The following RBFOX1 variants were observed in gnomAD, a reference collection of about 807,000 sequenced individuals.
The protein encoded by RBFOX1 is RNA binding protein fox-1 homolog 1.
In RBFOX1, 8 loss-of-function variants were observed where a neutral mutation model predicts 57.7. The ratio of observed to expected loss-of-function variants is 0.14; its 90% CI spans 0.08 to 0.25. The LOEUF (loss-of-function observed/expected upper bound fraction) is 0.25, where lower values mean the gene tolerates loss of function less well. Among genes scored for constraint, RBFOX1 ranks in the 10% least tolerant of loss-of-function variants. RBFOX1 has a pLI of 1.00. For missense variants in RBFOX1, 611 were observed against 548.5 expected (o/e 1.11, Z -1.14); for synonymous variants, 326 against 222.4 (o/e 1.47, Z -4.15).
intron 4 of RBFOX1, among the ~76,000 whole-genome samples, chr16:7,084,250 G>T (rs1567197306): frequency 6.6e-6 from 1 of 151,744 alleles, no homozygotes. Flanking sequence ...ATGTATATAT[G>T]TGTGTGTGTG....
intron 3 of RBFOX1, among the ~76,000 whole-genome samples, chr16:6,842,164 AAATAAAT>A (rs2093507226): frequency 9.4e-6 from 1 of 106,290 alleles, no homozygotes; most frequent in Non-Finnish European, 2.2e-5. Flanking sequence ...AAAAATAAAT[AAATAAAT>A]AAATAAATAA....
chr16:5,692,655 G>A (rs1338395442), intron 3 of RBFOX1, among the ~76,000 whole-genome samples: 1 of 152,116 alleles, frequency 6.6e-6, no homozygotes, highest in Non-Finnish European at 1.5e-5. Context: ...ACACTCCTAC[G>A]TAGGGACCAG....
At chr16:5,612,845 C>G (rs558349626) in intron 3 of RBFOX1, among the ~76,000 whole-genome samples, 3 of 152,324 alleles carry the variant, frequency 2.0e-5, no homozygotes, top group Admixed American at 2.0e-4. Context: ...AGGCAGAAAC[C>G]TAGCTAGGCA....
rs548980791 is a variant in RBFOX1 at position 5,705,219 on chromosome 16, C to G, written c.318+106258C>G. On this transcript the variant is annotated intron_variant, in intron 3 of 19. Transcript: ENST00000641259. The stretch of plus-strand genomic sequence containing the variant: ...TGCTTCATATTCTTTCCATCAGCAC[C>G]AAAACCAGCACCATCCATGTGCTAA... Among the ~76,000 whole-genome samples the G allele has an allele frequency of 9.9e-5, 15 of 152,252 alleles. No individual in the cohort carries two copies. The South Asian group carries it at 3.1e-3, about 32-fold the overall frequency.
chr16:7,657,023 G>C (rs547145524), intron 12 of RBFOX1, among the ~76,000 whole-genome samples: 13 of 152,230 alleles, frequency 8.5e-5, no homozygotes, highest in East Asian at 1.9e-4. Context: ...TTAAGAATTT[G>C]TTTCCACTGT....
At chr16:7,440,855 C>T (rs1353014268) in intron 4 of RBFOX1, among the ~76,000 whole-genome samples, 3 of 152,080 alleles carry the variant, frequency 2.0e-5, no homozygotes, top group Admixed American at 1.3e-4. Flanking sequence ...TCCAGCGTGG[C>T]CTAATATGCC....
At chr16:6,967,199 T>G (rs2084453336) in intron 3 of RBFOX1, among the ~76,000 whole-genome samples, 1 of 152,168 alleles carries the variant, frequency 6.6e-6, no homozygotes, top group Admixed American at 6.5e-5. Flanking sequence ...TATCTATACA[T>G]TGATCCATCT....
At chr16:5,643,134 T>C (rs1450298440) in intron 3 of RBFOX1, among the ~76,000 whole-genome samples, 1 of 152,122 alleles carries the variant, frequency 6.6e-6, no homozygotes, top group African/African-American at 2.4e-5. Flanking sequence ...TCTAGGCAGA[T>C]GCTAGCATTA....
At chr16:6,240,509 G>T (rs2097534624) in intron 1 of RBFOX1, among the ~76,000 whole-genome samples, 1 of 151,738 alleles carries the variant, frequency 6.6e-6, no homozygotes, top group African/African-American at 2.4e-5. Flanking sequence ...AGGCATGAAG[G>T]TGCAAACTCA....
At chr16:6,781,543 A>G (rs949329973) in intron 3 of RBFOX1, among the ~76,000 whole-genome samples, 2 of 152,136 alleles carry the variant, frequency 1.3e-5, no homozygotes, top group African/African-American at 4.8e-5. Flanking sequence ...TCAACAGTGA[A>G]GCCATCAAGT....
chr16:6,853,967 A>C (rs142971558), intron 3 of RBFOX1, among the ~76,000 whole-genome samples: 4 of 152,336 alleles, frequency 2.6e-5, no homozygotes, highest in African/African-American at 9.6e-5. Context: ...TTTTTCAGAC[A>C]GTCATCTCCG....
intron 1 of RBFOX1, among the ~76,000 whole-genome samples, chr16:6,035,334 T>C (rs1193885481): frequency 1.3e-5 from 2 of 152,232 alleles, no homozygotes; most frequent in African/African-American, 4.8e-5. Flanking sequence ...CATTTAGTTC[T>C]TCCCCAAGGA....
intron 4 of RBFOX1, among the ~76,000 whole-genome samples, chr16:7,166,702 C>T (rs567628774): frequency 1.3e-5 from 2 of 152,070 alleles, no homozygotes; most frequent in Non-Finnish European, 2.9e-5. Flanking sequence ...TCAGCCGATG[C>T]ACTAGGATGA....
At position 6,757,850 on chromosome 16, in the gene RBFOX1, A is replaced by G. The variant is rs114126015; in HGVS notation, c.-16+103200A>G. Among the ~76,000 whole-genome samples the G allele has an allele frequency of 4.0e-3, 608 of 152,294 alleles. 4 individuals carry two copies. The highest frequency in any genetic ancestry group is 0.029 in the Admixed American group (439 of 15,294). ...ATGTTTGAGGTGATGGATACCCCCA[A>G]TTACCCTGATCATAACACATTGTGT... is the stretch of plus-strand genomic sequence containing the variant. On this transcript the variant is annotated intron_variant, in intron 3 of 15. Coordinates refer to ENST00000550418, the MANE Select transcript of RBFOX1 (RefSeq NM_018723.4).
At chr16:5,930,670 G>T (rs1457271993) in intron 4 of RBFOX1, among the ~76,000 whole-genome samples, 1 of 101,574 alleles carries the variant, frequency 9.8e-6, no homozygotes, top group African/African-American at 3.9e-5. Context: ...GGGTAGGTGG[G>T]CACATGGGTA....
chr16:5,803,353 T>C (rs540055825), intron 3 of RBFOX1, among the ~76,000 whole-genome samples: 1 of 152,114 alleles, frequency 6.6e-6, no homozygotes, highest in East Asian at 1.9e-4. Context: ...ATTGGAAGAG[T>C]GGTAGAGAGA....
intron 2 of RBFOX1, among the ~76,000 whole-genome samples, chr16:6,386,581 T>A (rs1420461715): frequency 6.6e-6 from 1 of 151,970 alleles, no homozygotes; most frequent in Non-Finnish European, 1.5e-5. Flanking sequence ...AATGGAAAAA[T>A]AAATAAAGCC....
chr16:5,839,969 C>A (rs921182494), intron 3 of RBFOX1, among the ~76,000 whole-genome samples: 4 of 152,154 alleles, frequency 2.6e-5, no homozygotes, highest in Non-Finnish European at 4.4e-5. Context: ...GATTACTGGA[C>A]AAACATCTAA....
At chr16:6,482,493 A>G (rs2095387109) in intron 2 of RBFOX1, among the ~76,000 whole-genome samples, 1 of 152,240 alleles carries the variant, frequency 6.6e-6, no homozygotes, top group South Asian at 2.1e-4. Context: ...ATCTATGAGG[A>G]CTTCTTGGGA....
Sources: allele counts gnomAD v4.1 joint callset (sites outside exome capture counted in the v4.1 genomes callset), GRCh38; gene constraint gnomAD v4.1.1; transcripts MANE v1.5; gene names NCBI Gene and HGNC (gene_info 2026-07-23, HGNC 2026-07-21).